PATJ: variants seen among roughly 807,000 people sequenced by gnomAD.
The protein encoded by PATJ is inaD-like protein.
Under a neutral mutation model 224.9 loss-of-function variants are expected in PATJ, and 190 were observed. The ratio of observed to expected loss-of-function variants is 0.84; its 90% CI spans 0.75 to 0.95. The LOEUF (loss-of-function observed/expected upper bound fraction) is 0.95. Among genes scored for constraint, PATJ ranks in the 40% least tolerant of loss-of-function variants. The pLI is 0.00. For synonymous variants in PATJ, 769 were observed against 820.3 expected (o/e 0.94, Z 1.07); for missense variants, 2,121 against 2,270.3 (o/e 0.93, Z 1.34).
Position 62,160,894 on chromosome 1 carries a change from TTTC to T in PATJ, c.5503-11_5503-9del, listed in dbSNP as rs778765431. 34 of 1,613,360 alleles carry T rather than the reference TTTC, an allele frequency of 2.1e-5. No homozygotes were observed. Among genetic ancestry groups the T allele is most frequent in the Admixed American group, 2.0e-4 (12 of 59,850 alleles). ...TTTTACCCTGGATTAAACTGAAATG[TTTC>T]TTGTTTGTAGGGAGCAGCTGCAGAT... On this transcript the variant is annotated splice_polypyrimidine_tract_variant and intron_variant, in intron 43 of 43. Transcript: ENST00000642238.
At chr1:61,782,889 C>T (rs934220618) in intron 7 of PATJ, among the ~76,000 whole-genome samples, 6 of 152,132 alleles carry the variant, frequency 3.9e-5, no homozygotes, top group African/African-American at 1.4e-4. Context: ...TGTGGTCTGG[C>T]GAAGTTCTAG....
rs757152406 is a variant in PATJ at position 61,899,607 on chromosome 1, C to T, written c.3156C>T (p.Gly1052=). 44 of 1,610,256 alleles carry T rather than the reference C, an allele frequency of 2.7e-5. No individual in the cohort carries two copies. Among genetic ancestry groups the T allele is most frequent in the East Asian group, 2.2e-4 (10 of 44,726 alleles). Residue 1052 remains glycine (G), a synonymous_variant, in exon 23 of 44, where the codon GGC becomes GGT. Coordinates refer to ENST00000642238, the MANE Select transcript of PATJ (RefSeq NM_001350145.3). ...DTCELPEREE[G]EGEETPNFSH... Reference sequence around the variant, plus strand: ...GTGAGTTACCTGAGAGAGAAGAAGGCGAAGGAGAAGAAACTCCAAATTTTA... The same window carrying T: ...GTGAGTTACCTGAGAGAGAAGAAGGTGAAGGAGAAGAAACTCCAAATTTTA...
At chr1:61,914,725 C>T (rs1478604913) in intron 26 of PATJ, 61 bp downstream of exon 26, 5 of 1,023,884 alleles carry the variant, frequency 4.9e-6, no homozygotes, top group African/African-American at 1.6e-5. Context: ...TTTTGTTTTC[C>T]ATATCTGGGC....
At chr1:62,012,227 G>A (rs1465944251) in intron 28 of PATJ, among the ~76,000 whole-genome samples, 1 of 152,090 alleles carries the variant, frequency 6.6e-6, no homozygotes, top group Non-Finnish European at 1.5e-5. Flanking sequence ...CATTTTTTAT[G>A]TGTACCATTC....
rs544782463 is a variant in PATJ, at chr1:61,761,360, T to C, written c.-35-1498T>C. On this transcript the variant is annotated intron_variant, in intron 1 of 43. Coordinates refer to ENST00000642238, the MANE Select transcript of PATJ (RefSeq NM_001350145.3). ...ATGTGTCCATCACTCCAAAAAAGCT[T>C]CCTTGAACCCCTTCCCAGTGTAGGG... Among the ~76,000 whole-genome samples, 11 of 152,250 alleles carry C rather than the reference T, an allele frequency of 7.2e-5. No homozygotes were observed. The South Asian group carries it at 2.3e-3, about 32-fold the overall frequency.
chr1:61,814,663 AT>A lies in PATJ; in HGVS notation c.1683+6138del, dbSNP rs1655744089. ...TTCTTACTTATTAAATGTCCATAGA[AT>A]TTTTCTTCATTTTGATCAGCTATGA... On this transcript the variant is annotated intron_variant, in intron 14 of 43. Transcript: ENST00000642238. Among the ~76,000 whole-genome samples the A allele has an allele frequency of 2.0e-5, 3 of 152,016 alleles. No homozygotes were observed. The South Asian group carries it at 6.2e-4, about 32-fold the overall frequency.
chr1:61,926,150 T>C (rs988754819), intron 26 of PATJ, among the ~76,000 whole-genome samples: 1 of 151,920 alleles, frequency 6.6e-6, no homozygotes, highest in African/African-American at 2.4e-5. Flanking sequence ...GATACCAGAG[T>C]CTGTTTTGTG....
At chr1:61,821,043 CT>C (rs113639554) in intron 14 of PATJ, among the ~76,000 whole-genome samples, 243 of 143,128 alleles carry the variant, frequency 1.7e-3, no homozygotes, top group Admixed American at 1.7e-3. Context: ...GAAAAACTAT[CT>C]TTTTTTTTTT....
At position 61,966,635 on chromosome 1, in the gene PATJ, G is replaced by A. The variant is rs1403405356; in HGVS notation, c.3671-23533G>A. On this transcript the variant is annotated intron_variant, in intron 27 of 43. Transcript: ENST00000642238. ...TGGGAGGCAGAGGTTGCAGTGAGTCGAGATTGCATCATTGCACTCCAGCCT... is the reference window on the plus strand; with the variant it reads ...TGGGAGGCAGAGGTTGCAGTGAGTCAAGATTGCATCATTGCACTCCAGCCT... Among the ~76,000 whole-genome samples, 5 of 147,682 alleles carry A rather than the reference G, an allele frequency of 3.4e-5. 1 individual carries two copies. The highest frequency in any genetic ancestry group is 7.5e-5 in the African/African-American group (3 of 40,140).
intron 27 of PATJ, among the ~76,000 whole-genome samples, chr1:61,949,347 G>C (rs1679276677): frequency 2.6e-5 from 4 of 152,044 alleles, no homozygotes; most frequent in Admixed American, 2.6e-4. Context: ...GGGTTTGATG[G>C]AATTTTTGGG....
chr1:62,090,469 A>G (rs1166054150), intron 33 of PATJ, among the ~76,000 whole-genome samples: 2 of 152,198 alleles, frequency 1.3e-5, no homozygotes, highest in Non-Finnish European at 2.9e-5. Flanking sequence ...ATGAAAAGTC[A>G]TAATAATGAC....
chr1:61,837,514 C>T (rs1174154379), intron 17 of PATJ, among the ~76,000 whole-genome samples: 3 of 152,064 alleles, frequency 2.0e-5, no homozygotes, highest in East Asian at 1.9e-4. Context: ...AGAGACCAGG[C>T]GCAGTGGCTC....
intron 23 of PATJ, among the ~76,000 whole-genome samples, 173 bp downstream of exon 23, chr1:61,899,827 T>C (rs1433028024): frequency 6.6e-6 from 1 of 152,244 alleles, no homozygotes; most frequent in African/African-American, 2.4e-5. Flanking sequence ...GATTTTTAGC[T>C]GAACAAAATG....
intron 7 of PATJ, among the ~76,000 whole-genome samples, chr1:61,781,759 T>C (rs1647386027): frequency 6.6e-6 from 1 of 152,206 alleles, no homozygotes; most frequent in South Asian, 2.1e-4. Context: ...GGAGGTTTCA[T>C]AGGACTCAGC....
At chr1:61,841,464 G>A (rs969931989) in intron 17 of PATJ, among the ~76,000 whole-genome samples, 3 of 152,014 alleles carry the variant, frequency 2.0e-5, no homozygotes, top group African/African-American at 7.2e-5. Flanking sequence ...ATAAAGTCAG[G>A]TATGTAACCA....
At chr1:61,819,917 T>C (rs1656911407) in intron 14 of PATJ, among the ~76,000 whole-genome samples, 1 of 152,218 alleles carries the variant, frequency 6.6e-6, no homozygotes, top group Admixed American at 6.5e-5. Flanking sequence ...TCTGTACAGA[T>C]ATAGTAGATA....
At chr1:62,061,784 C>T (rs1191682533) in intron 31 of PATJ, among the ~76,000 whole-genome samples, 4 of 152,054 alleles carry the variant, frequency 2.6e-5, no homozygotes, top group South Asian at 2.1e-4. Flanking sequence ...CTCAGCCTCC[C>T]GAGTAGCTGG....
chr1:62,114,112 G>C lies in PATJ; in HGVS notation c.4521G>C (p.Gln1507His), dbSNP rs201005049. ...SHEEAITALR[Q>H]TPQKVRLVVY... Reference sequence around the variant, plus strand: ...AAGAAGCCATCACAGCCCTGAGGCAGACCCCCCAGAAGGTGCGGCTGGTGG... The same window carrying C: ...AAGAAGCCATCACAGCCCTGAGGCACACCCCCCAGAAGGTGCGGCTGGTGG... Residue 1507 changes from glutamine (Q) to histidine (H), a missense_variant, in exon 35 of 44, where the codon CAG (glutamine) becomes CAC (histidine). Coordinates refer to ENST00000642238, the MANE Select transcript of PATJ (RefSeq NM_001350145.3). 8.1e-6 allele frequency: 13 copies of C among 1,614,056 alleles called. No individual in the cohort carries two copies. Among genetic ancestry groups the C allele is most frequent in the Non-Finnish European group, 1.1e-5 (13 of 1,180,040 alleles).
chr1:62,160,868 G>C, intron 43 of PATJ, 40 bp from the exon 44 acceptor site: 1 of 1,608,638 alleles, frequency 6.2e-7, no homozygotes, highest in Non-Finnish European at 8.5e-7. Context: ...TATAAACTGT[G>C]TTTTACCCTG....
Sources: allele counts gnomAD v4.1 joint callset (sites outside exome capture counted in the v4.1 genomes callset), GRCh38; gene constraint gnomAD v4.1.1; transcripts MANE v1.5; gene names NCBI Gene and HGNC (gene_info 2026-07-23, HGNC 2026-07-21).